NCS1: variants seen among roughly 807,000 people sequenced by gnomAD.
NCS1 encodes frequenin homolog.
NCS1 carries 6 observed loss-of-function variants against 28.4 expected under a neutral mutation model. The observed-to-expected ratio is 0.21, with a 90% CI of 0.12 to 0.42. The LOEUF is 0.42. NCS1 is among the 10% of genes least tolerant of loss of function. The pLI is 1.00. For missense variants in NCS1, 131 were observed against 241.4 expected, an observed-to-expected ratio of 0.54 and a Z score of 3.03; for synonymous variants, 86 against 99.3, an observed-to-expected ratio of 0.87 and a Z score of 0.79.
In NCS1 at chr9:130,181,865, C is replaced by T. The variant is rs1473923530; in HGVS notation, c.64+9138C>T. Reference sequence around the variant, plus strand: ...AGTGGGTGAGCCGGGCACTCCTGTGCGCACGCGTGTGGTGGTGTGTGAGGG... The same window carrying T: ...AGTGGGTGAGCCGGGCACTCCTGTGTGCACGCGTGTGGTGGTGTGTGAGGG... On this transcript the variant is annotated intron_variant, in intron 1 of 7. Coordinates refer to ENST00000372398, the MANE Select transcript of NCS1 (RefSeq NM_014286.4). This position sits in a 1 kb window ranked among gnomAD's most constrained non-coding sequence, Gnocchi z 5.0. Among the ~76,000 whole-genome samples, 2 of 151,692 alleles carry T rather than the reference C, an allele frequency of 1.3e-5. No individual in the cohort carries two copies. Among genetic ancestry groups the T allele is most frequent in the Non-Finnish European group, 2.9e-5 (2 of 67,928 alleles).
intron 1 of NCS1, among the ~76,000 whole-genome samples, chr9:130,189,580 G>A (rs1430676794): frequency 3.3e-5 from 5 of 152,182 alleles, no homozygotes; most frequent in South Asian, 4.1e-4. Context: ...GGTGGCTCAC[G>A]CCTGTAATCC....
In NCS1 at chr9:130,209,966, A is replaced by G. The variant is rs781883157; in HGVS notation, c.90-7866A>G. Among the ~76,000 whole-genome samples the G allele has an allele frequency of 2.0e-5, 3 of 152,024 alleles. No homozygotes were observed. The highest frequency in any genetic ancestry group is 1.9e-4 in the East Asian group (1 of 5,172). ...TCCCCAAAGGGGTCTCTGGACCCCA[A>G]AGAGTTAAGACCCTGTTCGCGAACA... On this transcript the variant is annotated intron_variant, in intron 2 of 7. Transcript: ENST00000372398. The surrounding 1 kb of genome is among the most constrained non-coding windows in gnomAD (Gnocchi z 4.4).
rs1385922308 is a variant in NCS1 at position 130,236,535 on chromosome 9, G to A, written c.*3563G>A. On this transcript the variant is annotated 3_prime_UTR_variant, in exon 8 of 8. Coordinates refer to ENST00000372398, the MANE Select transcript of NCS1 (RefSeq NM_014286.4). ...TAACTTAAGGGCACTGTGATGGGAAGCCTTGCCCCCCTCTTTTTTTTTTTT... is the reference window on the plus strand; with the variant it reads ...TAACTTAAGGGCACTGTGATGGGAAACCTTGCCCCCCTCTTTTTTTTTTTT... 2 of 131,580 alleles carry A rather than the reference G, an allele frequency of 1.5e-5. No homozygotes were observed. The highest frequency in any genetic ancestry group is 2.9e-5 in the African/African-American group (1 of 34,732). 8.2% of individuals were successfully genotyped at this position (131,580 alleles called of 1,614,324 possible).
rs1422077366 is a variant in NCS1, at chr9:130,186,942, A to G, written c.65-14016A>G. ...AGCTCAGAGGTGAGCTTATGTGGCCAGAAGCAGATCCGCGGAAGTCCCTTG... is the reference window on the plus strand; with the variant it reads ...AGCTCAGAGGTGAGCTTATGTGGCCGGAAGCAGATCCGCGGAAGTCCCTTG... On this transcript the variant is annotated intron_variant, in intron 1 of 7. Transcript: ENST00000372398. This position sits in a 1 kb window ranked among gnomAD's most constrained non-coding sequence, Gnocchi z 4.1. Among the ~76,000 whole-genome samples the G allele has an allele frequency of 6.6e-6, 1 of 152,248 alleles. No individual in the cohort carries two copies. The highest frequency in any genetic ancestry group is 2.4e-5 in the African/African-American group (1 of 41,464).
At chr9:130,200,625 G>A in intron 1 of NCS1, 1 of 1,551,818 alleles carries the variant, frequency 6.4e-7, no homozygotes, top group Non-Finnish European at 8.7e-7. Context: ...AGTCTTAGAT[G>A]TTGGCCTGGG....
At chr9:130,196,697 C>A (rs554246213) in intron 1 of NCS1, among the ~76,000 whole-genome samples, 2 of 152,052 alleles carry the variant, frequency 1.3e-5, no homozygotes, top group African/African-American at 2.4e-5. Context: ...CCAGATCAAC[C>A]ATTGCACTCT....
At chr9:130,185,581 A>G (rs1832727355) in intron 1 of NCS1, among the ~76,000 whole-genome samples, 1 of 152,328 alleles carries the variant, frequency 6.6e-6, no homozygotes, top group South Asian at 2.1e-4. Context: ...GCCGCCAGCC[A>G]GCCAGCAAGG....
intron 2 of NCS1, among the ~76,000 whole-genome samples, chr9:130,206,729 C>T (rs2131140691): frequency 6.6e-6 from 1 of 152,224 alleles, no homozygotes; most frequent in East Asian, 1.9e-4. Context: ...TTCTGAACAA[C>T]TCTCAGGACA....
At chr9:130,203,271 C>T (rs1053624027) in intron 2 of NCS1, among the ~76,000 whole-genome samples, 1 of 151,836 alleles carries the variant, frequency 6.6e-6, no homozygotes, top group African/African-American at 2.4e-5. Context: ...AGACATCCAC[C>T]TGATGCCTGG....
At position 130,217,953 on chromosome 9, in the gene NCS1, G is replaced by A. The variant is rs377343889; in HGVS notation, c.211G>A (p.Val71Ile). The part of the protein sequence containing the change: ...PTKFATFVFN[V>I]FDENKDGRIE... ...CAAGTTTGCCACATTTGTTTTCAAC[G>A]TCTTTGATGAAAACAAGGTGAGCTG... The change falls in exon 3 of 8, where the codon GTC becomes ATC. Residue 71 changes from valine (V) to isoleucine (I), a missense_variant. Coordinates refer to ENST00000372398, the MANE Select transcript of NCS1 (RefSeq NM_014286.4). 12 of 1,614,054 alleles carry A rather than the reference G, an allele frequency of 7.4e-6. No individual in the cohort carries two copies. The highest frequency in any genetic ancestry group is 1.1e-5 in the South Asian group (1 of 91,088).
intron 7 of NCS1, among the ~76,000 whole-genome samples, chr9:130,228,389 G>T (rs1280669060): frequency 6.6e-6 from 1 of 150,578 alleles, no homozygotes; most frequent in African/African-American, 2.4e-5. Context: ...GTTTTGTTTT[G>T]TTTTTTTTCT....
At chr9:130,230,676 T>G in intron 7 of NCS1, among the ~76,000 whole-genome samples, 1 of 151,416 alleles carries the variant, frequency 6.6e-6, no homozygotes, top group East Asian at 1.9e-4. Context: ...ACCACTACAC[T>G]CCTGCCTAGG....
chr9:130,222,976 G>C (rs1228569668), intron 5 of NCS1, 106 bp from the exon 6 acceptor site: 47 of 904,412 alleles, frequency 5.2e-5, no homozygotes, highest in African/African-American at 4.6e-4. Flanking sequence ...AAAGAAGAGG[G>C]GGGCGGCCCT....
rs1832821547 is a variant in NCS1 at position 130,191,949 on chromosome 9, T to TG, written c.65-9003dup. 6.6e-6 allele frequency among the ~76,000 whole-genome samples: 1 copy of TG among 152,080 alleles called. No individual in the cohort carries two copies. The highest frequency in any genetic ancestry group is 1.5e-5 in the Non-Finnish European group (1 of 67,962). On this transcript the variant is annotated intron_variant, in intron 1 of 7. Coordinates refer to ENST00000372398, the MANE Select transcript of NCS1 (RefSeq NM_014286.4). The surrounding 1 kb of genome is among the most constrained non-coding windows in gnomAD (Gnocchi z 6.4). ...CCACTCCCACAGTGGGGACACGTGA[T>TG]GGGGGGCTGGAGGGCAGAAGGGCTG...
rs1018463210 is a variant in NCS1 at position 130,186,103 on chromosome 9, C to T, written c.64+13376C>T. On this transcript the variant is annotated intron_variant, in intron 1 of 7. Transcript: ENST00000372398. This position sits in a 1 kb window ranked among gnomAD's most constrained non-coding sequence, Gnocchi z 4.1. ...CCTGTGGGGGGCATGTGTGGCCAAA[C>T]GGGTTCCTGGGCCACCTTGCCAGCC... 1.3e-5 allele frequency among the ~76,000 whole-genome samples: 2 copies of T among 152,302 alleles called. No homozygotes were observed. The highest frequency in any genetic ancestry group is 4.8e-5 in the African/African-American group (2 of 41,572).
At chr9:130,222,043 AT>A (rs1833331113) in intron 4 of NCS1, among the ~76,000 whole-genome samples, 1 of 14,612 alleles carries the variant, frequency 6.8e-5, no homozygotes, top group South Asian at 2.1e-3. Context: ...TTATGTATCT[AT>A]AAATATATAT....
chr9:130,221,759 A>G (rs570373891), intron 4 of NCS1, among the ~76,000 whole-genome samples: 1 of 140,582 alleles, frequency 7.1e-6, no homozygotes, highest in Non-Finnish European at 1.5e-5. Flanking sequence ...TAAATAAATA[A>G]ATATATATAT....
chr9:130,200,435 C>G (rs1198818216), intron 1 of NCS1: 1 of 759,088 alleles, frequency 1.3e-6, no homozygotes, highest in Admixed American at 2.5e-5. Context: ...CCGGGCTGAC[C>G]ACAGAGAGGG....
At chr9:130,220,440 G>A (rs1833261650) in intron 4 of NCS1, among the ~76,000 whole-genome samples, 1 of 152,152 alleles carries the variant, frequency 6.6e-6, no homozygotes, top group Non-Finnish European at 1.5e-5. Context: ...AGGGAGTTGT[G>A]AGCAGGAGAG....
Sources: gnomAD v4.1 joint callset for allele counts (sites outside exome capture counted in the v4.1 genomes callset) on GRCh38, gnomAD v4.1.1 for gene constraint, Gnocchi (gnomAD v3.1) non-coding constraint, MANE v1.5 for transcripts, NCBI Gene and HGNC (gene_info 2026-07-23, HGNC 2026-07-21) for gene names.